The following UTRN variants were observed in gnomAD, a reference collection of about 807,000 sequenced individuals.
The protein encoded by UTRN is dystrophin-related protein 1.
In UTRN, 283 loss-of-function variants were observed where a neutral mutation model predicts 463.9. The observed-to-expected ratio is 0.61, with a 90% CI of 0.55 to 0.67. The LOEUF (loss-of-function observed/expected upper bound fraction) is 0.67, where lower values mean the gene tolerates loss of function less well. Ranked by LOEUF, UTRN falls within the 30% of genes least tolerant of loss-of-function variation. The pLI is 0.00. For synonymous variants in UTRN, 1,442 were observed against 1,431.5 expected (o/e 1.01, Z -0.17); for missense variants, 3,922 against 4,084.3 (o/e 0.96, Z 1.08).
chr6:144,827,591 T>A lies in UTRN; in HGVS notation c.9534-20T>A. The A allele has an allele frequency of 6.2e-7, 1 of 1,613,264 alleles. No individual in the cohort carries two copies. The highest frequency in any genetic ancestry group is 8.5e-7 in the Non-Finnish European group (1 of 1,179,604). ...CAATATTTGGGCATAAAATTATTGC[T>A]TTGTTTTTTTCTTTTAAAGCCCCTC... On this transcript the variant is annotated intron_variant, in intron 67 of 74. Coordinates refer to ENST00000367545, the MANE Select transcript of UTRN (RefSeq NM_007124.3).
rs766929499 is a variant in UTRN, at chr6:144,461,228, G to A, written c.2739G>A (p.Leu913=). Residue 913 remains leucine, a synonymous_variant, in exon 22 of 75, where the codon CTG becomes CTA. Coordinates refer to ENST00000367545, the MANE Select transcript of UTRN (RefSeq NM_007124.3). ...ELKGQPGHAY[L]ETLKTLKDVL... The stretch of plus-strand genomic sequence containing the variant: ...AGGGCCAACCTGGACATGCATATCT[G>A]GAAACATTGAAAACACTGAAAGATG... The A allele has an allele frequency of 3.1e-6, 5 of 1,604,972 alleles. No homozygotes were observed. The East Asian group carries it at 8.9e-5, about 29-fold the overall frequency.
chr6:144,447,307 C>G lies in UTRN; in HGVS notation c.1711C>G (p.Arg571Gly), dbSNP rs764291295. ...KDQKELSVSV[R>G]RLAILKEDME... The stretch of plus-strand genomic sequence containing the variant: ...CCAAAAGGAACTAAGTGTCAGTGTT[C>G]GACGTCTGGCTGTAAGTGATGGGGT... The change falls in exon 15 of 75, where the codon CGA becomes GGA. Residue 571 changes from arginine (R) to glycine (G), a missense_variant. By Grantham distance (125) the Arg-to-Gly change is moderately radical. Transcript: ENST00000367545. 2.5e-6 allele frequency: 4 copies of G among 1,612,992 alleles called. No individual in the cohort carries two copies. The Admixed American group carries it at 6.7e-5, about 27-fold the overall frequency.
intron 51 of UTRN, among the ~76,000 whole-genome samples, chr6:144,676,810 C>A (rs1482290909): frequency 6.6e-6 from 1 of 152,114 alleles, no homozygotes; most frequent in Non-Finnish European, 1.5e-5. Flanking sequence ...ACTGAAAGGA[C>A]AAACTATTAG....
chr6:144,510,878 T>G, intron 34 of UTRN, 66 bp from the exon 35 acceptor site: 1 of 1,328,174 alleles, frequency 7.5e-7, no homozygotes, highest in Non-Finnish European at 9.8e-7. Flanking sequence ...TTTAATAATT[T>G]AAGGTTGTAT....
At chr6:144,759,174 C>T (rs1792354489) in intron 58 of UTRN, among the ~76,000 whole-genome samples, 1 of 151,840 alleles carries the variant, frequency 6.6e-6, no homozygotes, top group Non-Finnish European at 1.5e-5. Flanking sequence ...CAGTGTATAA[C>T]CTACAATGCA....
At chr6:144,426,143 A>G (rs1367085016) in intron 6 of UTRN, 144 bp from the exon 7 acceptor site, 2 of 1,016,360 alleles carry the variant, frequency 2.0e-6, no homozygotes, top group Non-Finnish European at 2.8e-6. Flanking sequence ...TGTCTACAGA[A>G]AAATCTGAAG....
intron 2 of UTRN, among the ~76,000 whole-genome samples, chr6:144,310,168 A>G (rs1182474745): frequency 6.6e-6 from 1 of 152,278 alleles, no homozygotes; most frequent in Non-Finnish European, 1.5e-5. Flanking sequence ...ACGTGTGCAG[A>G]AGCAAATCAC....
chr6:144,851,783 A>T lies in UTRN; in HGVS notation c.*786A>T, dbSNP rs959706192. 2.0e-5 allele frequency: 3 copies of T among 152,164 alleles called. No homozygotes were observed. The highest frequency in any genetic ancestry group is 1.9e-4 in the East Asian group (1 of 5,202). 9.4% of individuals were successfully genotyped at this position (152,164 alleles called of 1,614,324 possible). On this transcript the variant is annotated 3_prime_UTR_variant, in exon 75 of 75. Transcript: ENST00000367545. ...TCCCTTTTTATATAAGTAGGAATTA[A>T]TTATTTATTTTATGTCTTAATCTAT...
intron 2 of UTRN, among the ~76,000 whole-genome samples, chr6:144,381,254 A>C (rs1283530947): frequency 6.6e-6 from 1 of 152,214 alleles, no homozygotes; most frequent in Non-Finnish European, 1.5e-5. Flanking sequence ...GCTCCCACTT[A>C]AAAGTGAGAA....
At chr6:144,725,456 G>T (rs967790605) in intron 53 of UTRN, among the ~76,000 whole-genome samples, 4 of 152,156 alleles carry the variant, frequency 2.6e-5, no homozygotes, top group Non-Finnish European at 4.4e-5. Flanking sequence ...CTCACCAAAA[G>T]TTGTTATTAT....
intron 51 of UTRN, among the ~76,000 whole-genome samples, chr6:144,674,434 T>A (rs1227063820): frequency 6.6e-6 from 1 of 152,060 alleles, no homozygotes. Flanking sequence ...CTCAATTCTC[T>A]TGAAACTTTC....
chr6:144,783,425 AT>A (rs963036385), intron 61 of UTRN, among the ~76,000 whole-genome samples: 29 of 151,904 alleles, frequency 1.9e-4, no homozygotes, highest in Non-Finnish European at 3.7e-4. Flanking sequence ...AAAAATCTGG[AT>A]TTTTTTTCTA....
At chr6:144,439,035 G>A in intron 12 of UTRN, 140 bp downstream of exon 12, 1 of 919,076 alleles carries the variant, frequency 1.1e-6, no homozygotes, top group Non-Finnish European at 1.6e-6. Flanking sequence ...AGCTCACAGG[G>A]TGGAATTGAT....
chr6:144,438,035 G>A (rs887246429), intron 11 of UTRN, among the ~76,000 whole-genome samples: 11 of 152,236 alleles, frequency 7.2e-5, no homozygotes, highest in Admixed American at 4.6e-4. Context: ...GGAGGCCAAC[G>A]CGGATGGATC....
rs748399313 is a variant in UTRN at position 144,772,016 on chromosome 6, G to GTTT, written c.8557+83_8557+85dup. 1.2e-3 allele frequency: 156 copies of GTTT among 127,570 alleles called. 21 individuals carry two copies. Among genetic ancestry groups the GTTT allele is most frequent in the Non-Finnish European group, 1.8e-3 (120 of 66,100 alleles). The allele number at this position is 127,570 out of a possible 1,614,324, so 7.9% of individuals were successfully genotyped here. On this transcript the variant is annotated intron_variant, in intron 59 of 74. Coordinates refer to ENST00000367545, the MANE Select transcript of UTRN (RefSeq NM_007124.3). Reference sequence around the variant, plus strand: ...AATTAACCTAAACAACTGAGAACCGGTTTTTTTTTTTTTTTTTTTTTTTTT... The same window carrying GTTT: ...AATTAACCTAAACAACTGAGAACCGGTTTTTTTTTTTTTTTTTTTTTTTTTTTT...
chr6:144,762,055 G>A (rs1792754467), intron 58 of UTRN, among the ~76,000 whole-genome samples: 1 of 152,084 alleles, frequency 6.6e-6, no homozygotes, highest in African/African-American at 2.4e-5. Flanking sequence ...GTGCATAGAT[G>A]ATCTCTTTTA....
intron 3 of UTRN, among the ~76,000 whole-genome samples, chr6:144,421,560 G>T (rs1041233734): frequency 5.3e-5 from 8 of 151,758 alleles, no homozygotes; most frequent in African/African-American, 1.7e-4. Context: ...GTGGTGGCGG[G>T]CGCCTGTAGT....
intron 3 of UTRN, among the ~76,000 whole-genome samples, chr6:144,420,857 C>T (rs1045676801): frequency 5.9e-5 from 9 of 152,306 alleles, no homozygotes; most frequent in Middle Eastern, 6.8e-3. Context: ...CCTCTGCACC[C>T]GGATGTTGTA....
rs1585194305 is a variant in UTRN at position 144,542,676 on chromosome 6, A to G, written c.6520-119A>G. ...AGAGTGAAGGTAGAGCCAGAAGTTT[A>G]GGTCGTTAGGGGAAGAAAAGTAGCA... On this transcript the variant is annotated intron_variant, in intron 45 of 74. Coordinates refer to ENST00000367545, the MANE Select transcript of UTRN (RefSeq NM_007124.3). 25 of 960,068 alleles carry G rather than the reference A, an allele frequency of 2.6e-5. No individual in the cohort carries two copies. In the South Asian group the frequency reaches 3.4e-4, roughly 13 times the overall value. 59.5% of individuals were successfully genotyped at this position (960,068 alleles called of 1,614,324 possible).
Sources: gnomAD v4.1 joint callset for allele counts (sites outside exome capture counted in the v4.1 genomes callset) on GRCh38, gnomAD v4.1.1 for gene constraint, MANE v1.5 for transcripts, NCBI Gene and HGNC (gene_info 2026-07-23, HGNC 2026-07-21) for gene names.